ID1: variants seen among roughly 807,000 people sequenced by gnomAD.
ID1 encodes the protein DNA-binding protein inhibitor ID-1.
In ID1, 8 loss-of-function variants were observed where a neutral mutation model predicts 11.3. The observed-to-expected ratio is 0.71, with a 90% CI of 0.42 to 1.28. ID1 has a LOEUF of 1.28. Among genes scored for constraint, ID1 ranks in the 50% most tolerant of loss-of-function variants. The probability of loss-of-function intolerance (pLI) is 0.01; values close to 1 mark genes in which losing one functional copy is unlikely to be tolerated. For missense variants in ID1, 347 were observed against 219.8 expected (o/e 1.58, Z -3.66); for synonymous variants, 176 against 100.2 (o/e 1.76, Z -4.52).
intron 1 of ID1, 26 bp downstream of exon 1, chr20:31,605,839 T>A: frequency 3.7e-6 from 6 of 1,609,116 alleles, no homozygotes; most frequent in Non-Finnish European, 5.1e-6. Context: ...GACCACTAGA[T>A]CATCCTTATA....
At position 31,605,742 on chromosome 20, in the gene ID1, G is replaced by A. The variant is rs537890425; in HGVS notation, c.355G>A (p.Gly119Arg). The change falls in exon 1 of 2, where the codon GGG becomes AGG. Residue 119 changes from glycine (G) to arginine (R), a missense_variant. Gly to Arg is a moderately radical substitution (Grantham distance 125). Transcript: ENST00000376112. ...CTCGGAATCCGAAGTTGGAACCCCCGGGGGCCGAGGGCTGCCGGTCCGGGC... is the reference window on the plus strand; with the variant it reads ...CTCGGAATCCGAAGTTGGAACCCCCAGGGGCCGAGGGCTGCCGGTCCGGGC... ...LNSESEVGTP[G>R]GRGLPVRAPL... The A allele has an allele frequency of 1.9e-6, 3 of 1,610,090 alleles. No homozygotes were observed. The highest frequency in any genetic ancestry group is 1.7e-5 in the Admixed American group (1 of 59,576).
chr20:31,606,020 A>G lies in ID1; in HGVS notation c.427-33A>G, dbSNP rs577102752. On this transcript the variant is annotated intron_variant, in intron 1 of 1. Coordinates refer to ENST00000376112, the MANE Select transcript of ID1 (RefSeq NM_002165.4). The stretch of plus-strand genomic sequence containing the variant: ...TGCGCTCGGAGCGGCGTCCCTTCCA[A>G]CCCGCCGGTCTCATTTCTTCTCGTT... 28 of 1,603,244 alleles carry G rather than the reference A, an allele frequency of 1.7e-5. No individual in the cohort carries two copies. The Middle Eastern group carries it at 6.0e-4, about 34-fold the overall frequency.
At position 31,606,196 on chromosome 20, in the gene ID1, G is replaced by C; in HGVS notation, c.*102G>C. ...AACGCGCCTCGCCGGATCTGAGGGA[G>C]AACAAGACCGATCGGCGGCCACTGC... is the stretch of plus-strand genomic sequence containing the variant. On this transcript the variant is annotated 3_prime_UTR_variant, in exon 2 of 2. Transcript: ENST00000376112. The C allele has an allele frequency of 8.1e-7, 1 of 1,234,898 alleles. No homozygotes were observed. The highest frequency in any genetic ancestry group is 1.5e-5 in the African/African-American group (1 of 67,220). 76.5% of individuals were successfully genotyped at this position (1,234,898 alleles called of 1,614,324 possible). A position where few individuals can be genotyped will look rare whatever the true frequency, so the allele number is the denominator to read the frequency against.
At chr20:31,605,988 C>T (rs1986093057) in intron 1 of ID1, 65 bp from the exon 2 acceptor site, 4 of 1,611,176 alleles carry the variant, frequency 2.5e-6, no homozygotes, top group Non-Finnish European at 3.4e-6. Flanking sequence ...GGGAAGGGGG[C>T]GTTCGCTGCG....
chr20:31,605,372 C>A lies in ID1; in HGVS notation c.-16C>A. On this transcript the variant is annotated 5_prime_UTR_variant, in exon 1 of 2. Coordinates refer to ENST00000376112, the MANE Select transcript of ID1 (RefSeq NM_002165.4). ...TTTCGCTTTGCCCATTCTGTTTCAG[C>A]CAGTCGCCAAGAATCATGAAAGTCG... The A allele has an allele frequency of 6.3e-7, 1 of 1,592,458 alleles. No individual in the cohort carries two copies. The highest frequency in any genetic ancestry group is 8.5e-7 in the Non-Finnish European group (1 of 1,175,462).
Position 31,606,068 on chromosome 20 carries a change from G to A in ID1, c.442G>A (p.Ala148Thr), listed in dbSNP as rs760508233. ...GTTTTCACAGGCGGCATGCGTTCCTGCGGACGATCGCATCTTGTGTCGCTG... is the reference window on the plus strand; with the variant it reads ...GTTTTCACAGGCGGCATGCGTTCCTACGGACGATCGCATCTTGTGTCGCTG... ...ALTAEAACVP[A>T]DDRILCR Residue 148 changes from alanine (A) to threonine (T), a missense_variant, in exon 2 of 2, where the codon GCG (alanine) becomes ACG (threonine). Transcript: ENST00000376112. 6.2e-7 allele frequency: 1 copy of A among 1,609,796 alleles called. No individual in the cohort carries two copies. Among genetic ancestry groups the A allele is most frequent in the Non-Finnish European group, 8.5e-7 (1 of 1,180,022 alleles).
Position 31,605,352 on chromosome 20 carries a change from C to A in ID1, c.-36C>A. 2 of 1,567,616 alleles carry A rather than the reference C, an allele frequency of 1.3e-6. No individual in the cohort carries two copies. Among genetic ancestry groups the A allele is most frequent in the Non-Finnish European group, 1.7e-6 (2 of 1,163,530 alleles). Reference sequence around the variant, plus strand: ...TCGGGCTTCCACCTCATTTTTTTCGCTTTGCCCATTCTGTTTCAGCCAGTC... The same window carrying A: ...TCGGGCTTCCACCTCATTTTTTTCGATTTGCCCATTCTGTTTCAGCCAGTC... On this transcript the variant is annotated 5_prime_UTR_variant, in exon 1 of 2. Coordinates refer to ENST00000376112, the MANE Select transcript of ID1 (RefSeq NM_002165.4).
At chr20:31,605,995 TGCGCTCGGAGCG>T in intron 1 of ID1, 46 bp from the exon 2 acceptor site, 1 of 1,611,322 alleles carries the variant, frequency 6.2e-7, no homozygotes, top group South Asian at 1.1e-5. Context: ...GGGCGTTCGC[TGCGCTCGGAGCG>T]GCGTCCCTTC....
At position 31,605,754 on chromosome 20, in the gene ID1, C is replaced by A; in HGVS notation, c.367C>A (p.Leu123Met). ...AGTTGGAACCCCCGGGGGCCGAGGG[C>A]TGCCGGTCCGGGCTCCGCTCAGCAC... Reference protein sequence around the residue: ...SEVGTPGGRGLPVRAPLSTLN... With the variant: ...SEVGTPGGRGMPVRAPLSTLN... The change falls in exon 1 of 2, where the codon CTG (leucine) becomes ATG (methionine). Residue 123 changes from leucine (L) to methionine (M), a missense_variant. Leu to Met is a conservative substitution (Grantham distance 15, BLOSUM62 2). Coordinates refer to ENST00000376112, the MANE Select transcript of ID1 (RefSeq NM_002165.4). 4.3e-6 allele frequency: 7 copies of A among 1,610,354 alleles called. No homozygotes were observed. Among genetic ancestry groups the A allele is most frequent in the Non-Finnish European group, 5.9e-6 (7 of 1,178,340 alleles).
At position 31,606,197 on chromosome 20, in the gene ID1, A is replaced by G; in HGVS notation, c.*103A>G. 1 of 1,236,708 alleles carries G rather than the reference A, an allele frequency of 8.1e-7. No homozygotes were observed. The allele number at this position is 1,236,708 out of a possible 1,614,324, so 76.6% of individuals were successfully genotyped here. On this transcript the variant is annotated 3_prime_UTR_variant, in exon 2 of 2. Coordinates refer to ENST00000376112, the MANE Select transcript of ID1 (RefSeq NM_002165.4). The stretch of plus-strand genomic sequence containing the variant: ...ACGCGCCTCGCCGGATCTGAGGGAG[A>G]ACAAGACCGATCGGCGGCCACTGCG...
chr20:31,605,471 G>C lies in ID1; in HGVS notation c.84G>C (p.Ala28=), dbSNP rs887363696. The C allele has an allele frequency of 7.5e-6, 12 of 1,607,940 alleles. No individual in the cohort carries two copies. Among genetic ancestry groups the C allele is most frequent in the African/African-American group, 2.7e-5 (2 of 74,798 alleles). The change falls in exon 1 of 2, where the codon GCG becomes GCC. Residue 28 remains alanine, a synonymous_variant. Transcript: ENST00000376112. ...ALKAGKTASG[A]GEVVRCLSEQ... ...AGGCCGGCAAGACAGCGAGCGGTGC[G>C]GGCGAGGTGGTGCGCTGTCTGTCTG...
Position 31,606,380 on chromosome 20 carries a change from T to A in ID1, c.*286T>A, listed in dbSNP as rs1986114669. On this transcript the variant is annotated 3_prime_UTR_variant, in exon 2 of 2. Coordinates refer to ENST00000376112, the MANE Select transcript of ID1 (RefSeq NM_002165.4). Reference sequence around the variant, plus strand: ...GCAGACATTTTAAAAAATGGTCACGTTTGGTGCTTCTCAGATTTCTGAGGA... The same window carrying A: ...GCAGACATTTTAAAAAATGGTCACGATTGGTGCTTCTCAGATTTCTGAGGA... 1.9e-6 allele frequency: 1 copy of A among 532,276 alleles called. No individual in the cohort carries two copies. The highest frequency in any genetic ancestry group is 2.7e-5 in the South Asian group (1 of 36,480). The allele number at this position is 532,276 out of a possible 1,614,324, so 33.0% of individuals were successfully genotyped here. A position where few individuals can be genotyped will look rare whatever the true frequency, so the allele number is the denominator to read the frequency against.
chr20:31,605,658 A>C lies in ID1; in HGVS notation c.271A>C (p.Lys91Gln). ...CCTGCCCCAGAACCGCAAGGTGAGCAAGGTGGAGATTCTCCAGCACGTCAT... is the reference window on the plus strand; with the variant it reads ...CCTGCCCCAGAACCGCAAGGTGAGCCAGGTGGAGATTCTCCAGCACGTCAT... Reference protein sequence around the residue: ...PTLPQNRKVSKVEILQHVIDY... With the variant: ...PTLPQNRKVSQVEILQHVIDY... Residue 91 changes from lysine (K) to glutamine (Q), a missense_variant, in exon 1 of 2, where the codon AAG becomes CAG. Lys to Gln is a moderately conservative substitution (Grantham distance 53, BLOSUM62 1). Coordinates refer to ENST00000376112, the MANE Select transcript of ID1 (RefSeq NM_002165.4). The C allele has an allele frequency of 6.2e-7, 1 of 1,607,740 alleles. No individual in the cohort carries two copies. The highest frequency in any genetic ancestry group is 8.5e-7 in the Non-Finnish European group (1 of 1,177,112).
chr20:31,606,128 A>T lies in ID1; in HGVS notation c.*34A>T, dbSNP rs770194701. ...CCCCAGGGACCGGCGGACCCCAGCCATCCAGGGGGCAAGAGGAATTACGTG... is the reference window on the plus strand; with the variant it reads ...CCCCAGGGACCGGCGGACCCCAGCCTTCCAGGGGGCAAGAGGAATTACGTG... On this transcript the variant is annotated 3_prime_UTR_variant, in exon 2 of 2. Coordinates refer to ENST00000376112, the MANE Select transcript of ID1 (RefSeq NM_002165.4). The T allele has an allele frequency of 6.3e-7, 1 of 1,596,320 alleles. No individual in the cohort carries two copies. The highest frequency in any genetic ancestry group is 1.1e-5 in the South Asian group (1 of 90,712).
rs1394842806 is a variant in ID1, at chr20:31,606,102, C to A, written c.*8C>A. 3 of 1,607,432 alleles carry A rather than the reference C, an allele frequency of 1.9e-6. No individual in the cohort carries two copies. Among genetic ancestry groups the A allele is most frequent in the African/African-American group, 2.7e-5 (2 of 75,050 alleles). On this transcript the variant is annotated 3_prime_UTR_variant, in exon 2 of 2. Transcript: ENST00000376112. ...CGCATCTTGTGTCGCTGAAGCGCCTCCCCCAGGGACCGGCGGACCCCAGCC... is the reference window on the plus strand; with the variant it reads ...CGCATCTTGTGTCGCTGAAGCGCCTACCCCAGGGACCGGCGGACCCCAGCC...
At chr20:31,606,032 C>A (rs748991966) in intron 1 of ID1, 21 bp from the exon 2 acceptor site, 10 of 1,612,808 alleles carry the variant, frequency 6.2e-6, no homozygotes, top group Middle Eastern at 1.6e-4. Flanking sequence ...CCGCCGGTCT[C>A]ATTTCTTCTC....
Position 31,605,877 on chromosome 20 carries a change from G to A in ID1, c.426+64G>A, listed in dbSNP as rs757243427. 2.2e-5 allele frequency: 35 copies of A among 1,589,414 alleles called. No individual in the cohort carries two copies. In the East Asian group the frequency reaches 7.0e-4, roughly 32 times the overall value. On this transcript the variant is annotated intron_variant, in intron 1 of 1. Transcript: ENST00000376112. ...GACGGGGAAACGGAGGCCAGAGAGG[G>A]CGTGGGCGCTTGCACCACTTCCGTC... is the stretch of plus-strand genomic sequence containing the variant.
Position 31,605,295 on chromosome 20 carries a change from C to T in ID1, c.-93C>T, listed in dbSNP as rs959999355. ...GCTGTGGCTCCGCACTCTCATTCCA[C>T]GTTCTTAACTGTTCCATTTTCCGTA... On this transcript the variant is annotated 5_prime_UTR_variant, in exon 1 of 2. In the 5' UTR this introduces an upstream ATG that the reference lacks. Coordinates refer to ENST00000376112, the MANE Select transcript of ID1 (RefSeq NM_002165.4). The T allele has an allele frequency of 2.5e-6, 3 of 1,199,248 alleles. No individual in the cohort carries two copies. The highest frequency in any genetic ancestry group is 5.1e-5 in the East Asian group (2 of 39,266). 74.3% of individuals were successfully genotyped at this position (1,199,248 alleles called of 1,614,324 possible). A position where few individuals can be genotyped will look rare whatever the true frequency, so the allele number is the denominator to read the frequency against.
Position 31,605,360 on chromosome 20 carries a change from A to T in ID1, c.-28A>T. 6.3e-7 allele frequency: 1 copy of T among 1,583,516 alleles called. No homozygotes were observed. Among genetic ancestry groups the T allele is most frequent in the Non-Finnish European group, 8.5e-7 (1 of 1,171,922 alleles). ...CCACCTCATTTTTTTCGCTTTGCCC[A>T]TTCTGTTTCAGCCAGTCGCCAAGAA... On this transcript the variant is annotated 5_prime_UTR_variant, in exon 1 of 2. Transcript: ENST00000376112.
Sources: allele counts gnomAD v4.1 joint callset, GRCh38; gene constraint gnomAD v4.1.1; transcripts MANE v1.5; gene names NCBI Gene and HGNC (gene_info 2026-07-23, HGNC 2026-07-21).